The following TXNDC15 variants were observed in gnomAD, a reference collection of about 807,000 sequenced individuals.
The protein encoded by TXNDC15 is thioredoxin domain containing 15.
TXNDC15 carries 24 observed loss-of-function variants against 35.0 expected under a neutral mutation model. The observed-to-expected ratio is 0.68, with a 90% confidence interval of 0.50 to 0.96. TXNDC15 has a LOEUF of 0.96. Ranked by LOEUF, TXNDC15 falls within the 40% of genes least tolerant of loss-of-function variation. The pLI is 0.00. For synonymous variants in TXNDC15, 169 were observed against 174.0 expected, an observed-to-expected ratio of 0.97 and a Z score of 0.23; for missense variants, 385 against 453.3, an observed-to-expected ratio of 0.85 and a Z score of 1.37.
chr5:134,875,144 A>G (rs1750006219), intron 1 of TXNDC15: 1 of 456,104 alleles, frequency 2.2e-6, no homozygotes, highest in African/African-American at 2.0e-5. Context: ...TGCATGAAAA[A>G]CAGACGAGAA....
chr5:134,887,758 C>A lies in TXNDC15; in HGVS notation c.167C>A (p.Ala56Asp). The change falls in exon 2 of 5, where the codon GCT (alanine) becomes GAT (aspartate). Residue 56 changes from alanine to aspartate, a missense_variant. Physicochemically the swap from Ala to Asp is moderately radical, Grantham distance 126. Transcript: ENST00000358387. ...EQPAHPLQVG[A>D]VYLGEEELLH... ...CCTGCTCACCCTCTCCAGGTGGGGG[C>A]TGTGTACCTGGGTGAGGAGGAGCTC... is the stretch of plus-strand genomic sequence containing the variant. The A allele has an allele frequency of 6.2e-7, 1 of 1,613,268 alleles. No individual in the cohort carries two copies. Among genetic ancestry groups the A allele is most frequent in the Middle Eastern group, 1.7e-4 (1 of 6,060 alleles).
chr5:134,879,348 C>T (rs145047117), intron 1 of TXNDC15, among the ~76,000 whole-genome samples: 4 of 152,106 alleles, frequency 2.6e-5, no homozygotes, highest in East Asian at 1.9e-4. Flanking sequence ...TGAGGTTCTT[C>T]GTTTTGGCAT....
chr5:134,875,880 C>T (rs1304368311), intron 1 of TXNDC15, among the ~76,000 whole-genome samples: 1 of 152,094 alleles, frequency 6.6e-6, no homozygotes, highest in East Asian at 1.9e-4. Flanking sequence ...ATGTTGGCCA[C>T]GCTGGTCTGG....
At chr5:134,885,149 T>G (rs931101448) in intron 1 of TXNDC15, among the ~76,000 whole-genome samples, 1 of 152,190 alleles carries the variant, frequency 6.6e-6, no homozygotes, top group African/African-American at 2.4e-5. Flanking sequence ...CTCAAACTTC[T>G]GACCTCAGGT....
chr5:134,889,259 C>G (rs1456208526), intron 2 of TXNDC15, among the ~76,000 whole-genome samples: 1 of 152,130 alleles, frequency 6.6e-6, no homozygotes, highest in Non-Finnish European at 1.5e-5. Flanking sequence ...GAGTCTCACT[C>G]TGTCACCCAG....
At chr5:134,888,240 T>C (rs1750318189) in intron 2 of TXNDC15, 58 bp downstream of exon 2, 1 of 1,443,438 alleles carries the variant, frequency 6.9e-7, no homozygotes, top group Admixed American at 2.1e-5. Flanking sequence ...TTATGATTAA[T>C]ACCCTATCAA....
At chr5:134,896,553 T>G (rs1750491421) in intron 4 of TXNDC15, 129 bp downstream of exon 4, 1 of 1,155,052 alleles carries the variant, frequency 8.7e-7, no homozygotes, top group African/African-American at 1.6e-5. Context: ...AAAACTTCTC[T>G]TCTAATGAAC....
In TXNDC15 at chr5:134,899,738, T is replaced by C; in HGVS notation, c.*53T>C. 1 of 1,421,228 alleles carries C rather than the reference T, an allele frequency of 7.0e-7. No homozygotes were observed. The allele number at this position is 1,421,228 out of a possible 1,614,324, so 88.0% of individuals were successfully genotyped here. A position where few individuals can be genotyped will look rare whatever the true frequency, so the allele number is the denominator to read the frequency against. The stretch of plus-strand genomic sequence containing the variant: ...GAACTTCAATCCTTCGTTTCAGAAA[T>C]TAGTGCTACAGTTTCATACATTTTC... On this transcript the variant is annotated 3_prime_UTR_variant, in exon 5 of 5. Coordinates refer to ENST00000358387, the MANE Select transcript of TXNDC15 (RefSeq NM_024715.4).
intron 1 of TXNDC15, among the ~76,000 whole-genome samples, chr5:134,884,605 C>T (rs532849143): frequency 9.9e-5 from 14 of 140,900 alleles, no homozygotes; most frequent in African/African-American, 2.7e-4. Context: ...CTCACTCTTT[C>T]GCCCAGGCTG....
chr5:134,886,130 C>T (rs955071417), intron 1 of TXNDC15, among the ~76,000 whole-genome samples: 9 of 152,306 alleles, frequency 5.9e-5, no homozygotes, highest in Non-Finnish European at 1.2e-4. Context: ...TTACAAATTG[C>T]ATGAATATAT....
chr5:134,898,228 A>G (rs989972679), intron 4 of TXNDC15, among the ~76,000 whole-genome samples: 9 of 152,088 alleles, frequency 5.9e-5, no homozygotes, highest in African/African-American at 2.2e-4. Context: ...ATGCACCTGC[A>G]TTGTCATGTA....
At chr5:134,895,710 G>T (rs529965895) in intron 3 of TXNDC15, among the ~76,000 whole-genome samples, 1 of 152,250 alleles carries the variant, frequency 6.6e-6, no homozygotes, top group East Asian at 1.9e-4. Flanking sequence ...TGGCAGAACT[G>T]AGGCTTCAAC....
intron 1 of TXNDC15, among the ~76,000 whole-genome samples, chr5:134,883,899 G>A (rs1478089028): frequency 7.0e-6 from 1 of 143,614 alleles, no homozygotes; most frequent in East Asian, 2.1e-4. Flanking sequence ...GGGCAATAAA[G>A]GGAGACTCCA....
At chr5:134,883,929 GGAAA>G (rs1173379193) in intron 1 of TXNDC15, among the ~76,000 whole-genome samples, 5 of 142,704 alleles carry the variant, frequency 3.5e-5, no homozygotes, top group African/African-American at 5.2e-5. Flanking sequence ...AAAAAAAAAA[GGAAA>G]GAAAGCCAGG....
chr5:134,874,094 C>T (rs1580853977), upstream of TXNDC15: 7 of 230,122 alleles, frequency 3.0e-5, no homozygotes, highest in East Asian at 6.0e-4. Context: ...CTTAGGCGGG[C>T]GCAGTGCTTC....
chr5:134,874,356 C>A (rs1012478233), upstream of TXNDC15: 2 of 1,347,242 alleles, frequency 1.5e-6, no homozygotes, highest in Non-Finnish European at 2.0e-6. Flanking sequence ...CCCAGGCTCT[C>A]CTCCCCCAGC....
chr5:134,897,354 TC>T (rs1281547695), intron 4 of TXNDC15, among the ~76,000 whole-genome samples: 1 of 151,994 alleles, frequency 6.6e-6, no homozygotes, highest in African/African-American at 2.4e-5. Context: ...TTAAAACGAT[TC>T]TCCTGCCTCA....
intron 4 of TXNDC15, 47 bp downstream of exon 4, chr5:134,896,471 G>T: frequency 6.2e-7 from 1 of 1,606,412 alleles, no homozygotes; most frequent in Admixed American, 1.7e-5. Context: ...TATTGCTGGG[G>T]GTCTGTGCCT....
chr5:134,880,963 G>T (rs907776448), intron 1 of TXNDC15, among the ~76,000 whole-genome samples: 1 of 151,688 alleles, frequency 6.6e-6, no homozygotes, highest in Non-Finnish European at 1.5e-5. Context: ...GAGCTTCTTA[G>T]ATCTATGGAT....
Sources: allele counts gnomAD v4.1 joint callset (sites outside exome capture counted in the v4.1 genomes callset), GRCh38; gene constraint gnomAD v4.1.1; transcripts MANE v1.5; gene names NCBI Gene and HGNC (gene_info 2026-07-23, HGNC 2026-07-21).